Variants in FARS2 observed in about 807,000 individuals in gnomAD.
FARS2 encodes the protein phenylalanyl-tRNA synthetase 2, mitochondrial.
A neutral mutation model predicts 46.4 loss-of-function variants in FARS2; 40 were observed. The observed-to-expected ratio is 0.86, with a 90% CI of 0.67 to 1.12. The LOEUF (loss-of-function observed/expected upper bound fraction) is 1.12. FARS2 is among the 50% of genes most tolerant of loss of function. FARS2 has a pLI of 0.00. For synonymous variants in FARS2, 234 were observed against 214.9 expected (o/e 1.09, Z -0.78); for missense variants, 513 against 567.9 (o/e 0.90, Z 0.98).
At chr6:5,388,626 C>T (rs549399535) in intron 2 of FARS2, among the ~76,000 whole-genome samples, 69 of 152,118 alleles carry the variant, frequency 4.5e-4, no homozygotes, top group African/African-American at 1.6e-3. Context: ...ACTTCACTCT[C>T]AGCAAAACAC....
At chr6:5,755,917 A>T (rs1370549316) in intron 6 of FARS2, among the ~76,000 whole-genome samples, 1 of 152,228 alleles carries the variant, frequency 6.6e-6, no homozygotes, top group Admixed American at 6.5e-5. Flanking sequence ...CTGGAATTTT[A>T]ATTTTCAGGG....
At chr6:5,444,727 C>G (rs1314295745) in intron 4 of FARS2, among the ~76,000 whole-genome samples, 2 of 152,150 alleles carry the variant, frequency 1.3e-5, no homozygotes, top group Non-Finnish European at 2.9e-5. Flanking sequence ...GGACCCCCCA[C>G]TCCTCATCCC....
At chr6:5,268,129 A>C (rs898029128) in intron 1 of FARS2, among the ~76,000 whole-genome samples, 3 of 152,092 alleles carry the variant, frequency 2.0e-5, no homozygotes, top group African/African-American at 7.2e-5. Context: ...GATAGATTGC[A>C]AAAATTTTCT....
rs1203867665 is a variant in FARS2, at chr6:5,496,707, G to A, written c.905-48473G>A. On this transcript the variant is annotated intron_variant, in intron 4 of 6. Transcript: ENST00000274680. ...CTTGTAAGGACATCCAAGTCAAATT[G>A]GATTAGGGCCCATCTTATGACCTCA... is the stretch of plus-strand genomic sequence containing the variant. Among the ~76,000 whole-genome samples the A allele has an allele frequency of 2.0e-5, 3 of 152,094 alleles. No individual in the cohort carries two copies. In the East Asian group the frequency reaches 5.8e-4, roughly 29 times the overall value.
intron 4 of FARS2, among the ~76,000 whole-genome samples, chr6:5,488,768 G>T (rs1266422680): frequency 6.6e-6 from 1 of 152,034 alleles, no homozygotes; most frequent in Non-Finnish European, 1.5e-5. Flanking sequence ...CTTTTATTTG[G>T]CTTTTAAATA....
chr6:5,368,873 T>C lies in FARS2; in HGVS notation c.303T>C (p.Tyr101=). The change falls in exon 2 of 7, where the codon TAT becomes TAC. Residue 101 remains tyrosine, a synonymous_variant. Transcript: ENST00000274680. The part of the protein sequence containing the change: ...ERVKEHFYKQ[Y]VGRFGTPLFS... Reference sequence around the variant, plus strand: ...TGAAGGAGCACTTCTACAAGCAGTATGTGGGCCGCTTTGGGACCCCGTTGT... The same window carrying C: ...TGAAGGAGCACTTCTACAAGCAGTACGTGGGCCGCTTTGGGACCCCGTTGT... 1 of 1,614,118 alleles carries C rather than the reference T, an allele frequency of 6.2e-7. No homozygotes were observed. Among genetic ancestry groups the C allele is most frequent in the Non-Finnish European group, 8.5e-7 (1 of 1,180,020 alleles).
chr6:5,627,454 A>G (rs59669264), intron 6 of FARS2, among the ~76,000 whole-genome samples: 1,799 of 152,376 alleles, frequency 0.012, 44 homozygotes, highest in African/African-American at 0.042. Context: ...GAATTTTACT[A>G]GAGTAATTGC....
chr6:5,432,560 A>G (rs1763287776), intron 4 of FARS2, among the ~76,000 whole-genome samples: 1 of 143,412 alleles, frequency 7.0e-6, no homozygotes, highest in Admixed American at 7.3e-5. Context: ...TCCTCCAAAA[A>G]AAAAAGGGAA....
intron 1 of FARS2, among the ~76,000 whole-genome samples, chr6:5,355,747 A>C (rs561008432): frequency 6.6e-6 from 1 of 152,228 alleles, no homozygotes; most frequent in East Asian, 1.9e-4. Flanking sequence ...ACACGGTATA[A>C]CATGCAAAAG....
intron 5 of FARS2, among the ~76,000 whole-genome samples, chr6:5,596,208 C>T (rs1304782669): frequency 6.6e-6 from 1 of 152,128 alleles, no homozygotes; most frequent in Non-Finnish European, 1.5e-5. Flanking sequence ...AGAGGAGATG[C>T]TTTGTTGGTG....
At chr6:5,386,050 G>T (rs11960962) in intron 2 of FARS2, among the ~76,000 whole-genome samples, 25,150 of 151,880 alleles carry the variant, frequency 0.17, 2,343 homozygotes, top group East Asian at 0.39. Context: ...TATATATATA[G>T]AGAGAGATGA....
At chr6:5,395,291 T>C (rs890489619) in intron 2 of FARS2, among the ~76,000 whole-genome samples, 2 of 152,176 alleles carry the variant, frequency 1.3e-5, no homozygotes, top group African/African-American at 4.8e-5. Context: ...CCTCAAGGAA[T>C]CCACCTGCCT....
intron 6 of FARS2, among the ~76,000 whole-genome samples, chr6:5,712,320 A>G (rs2150904701): frequency 6.6e-6 from 1 of 152,282 alleles, no homozygotes; most frequent in Middle Eastern, 3.4e-3. Flanking sequence ...AAATCAGGCC[A>G]CTCAGTGCCT....
intron 4 of FARS2, among the ~76,000 whole-genome samples, chr6:5,541,471 C>A (rs1045278785): frequency 2.0e-5 from 3 of 152,192 alleles, no homozygotes; most frequent in Admixed American, 6.5e-5. Flanking sequence ...TTATGTCCTA[C>A]CAATCTGTTA....
intron 5 of FARS2, among the ~76,000 whole-genome samples, chr6:5,546,774 A>G (rs1300516546): frequency 1.3e-5 from 2 of 150,830 alleles, no homozygotes; most frequent in African/African-American, 4.9e-5. Flanking sequence ...CATTAAGCCC[A>G]TCCAGTGAAT....
chr6:5,446,159 T>A (rs985372537), intron 4 of FARS2, among the ~76,000 whole-genome samples: 3 of 150,178 alleles, frequency 2.0e-5, no homozygotes, highest in African/African-American at 7.4e-5. Flanking sequence ...GCTGAGATCG[T>A]GCCACTGCAC....
intron 4 of FARS2, among the ~76,000 whole-genome samples, chr6:5,477,173 C>G (rs1582218098): frequency 6.6e-6 from 1 of 152,176 alleles, no homozygotes; most frequent in South Asian, 2.1e-4. Context: ...TGTATAATTC[C>G]TTTATTAGAA....
chr6:5,267,066 G>T (rs1056778071), intron 1 of FARS2, among the ~76,000 whole-genome samples: 1 of 151,584 alleles, frequency 6.6e-6, no homozygotes, highest in South Asian at 2.1e-4. Flanking sequence ...GGAGGCTAAG[G>T]GTTCCCGTAT....
At chr6:5,739,834 C>T (rs933282413) in intron 6 of FARS2, among the ~76,000 whole-genome samples, 1 of 152,208 alleles carries the variant, frequency 6.6e-6, no homozygotes, top group Admixed American at 6.5e-5. Flanking sequence ...GGGGAGTTGA[C>T]CTGGGTCTAC....
Sources: gnomAD v4.1 joint callset for allele counts (sites outside exome capture counted in the v4.1 genomes callset) on GRCh38, gnomAD v4.1.1 for gene constraint, MANE v1.5 for transcripts, NCBI Gene and HGNC (gene_info 2026-07-23, HGNC 2026-07-21) for gene names.